Variants in WWOX observed in about 807,000 individuals in gnomAD.
WWOX encodes the protein WW domain containing oxidoreductase, also known as WW domain-containing oxidoreductase.
Under a neutral mutation model 46.2 loss-of-function variants are expected in WWOX, and 69 were observed. The observed-to-expected ratio is 1.49, with a 90% CI of 1.23 to 1.82. WWOX has a LOEUF of 1.82. Ranked by LOEUF, WWOX falls within the 40% of genes most tolerant of loss-of-function variation. The pLI is 0.00. For synonymous variants in WWOX, 359 were observed against 202.6 expected, an observed-to-expected ratio of 1.77 and a Z score of -6.56; for missense variants, 919 against 542.6, an observed-to-expected ratio of 1.69 and a Z score of -6.89.
chr16:78,737,928 T>G (rs58869383), intron 8 of WWOX, among the ~76,000 whole-genome samples: 1 of 152,118 alleles, frequency 6.6e-6, no homozygotes, highest in Non-Finnish European at 1.5e-5. Flanking sequence ...ATATCAGTAT[T>G]TATTGTTTTA....
intron 8 of WWOX, among the ~76,000 whole-genome samples, chr16:78,654,249 C>G (rs997557947): frequency 1.3e-5 from 2 of 152,128 alleles, no homozygotes; most frequent in Non-Finnish European, 2.9e-5. Context: ...TTTTCAGATT[C>G]TTTATTGGTA....
At chr16:78,533,324 G>C (rs943248518) in intron 8 of WWOX, among the ~76,000 whole-genome samples, 2 of 152,100 alleles carry the variant, frequency 1.3e-5, no homozygotes, top group South Asian at 2.1e-4. Context: ...TCTAACATAG[G>C]GGTGTCCAAA....
intron 6 of WWOX, among the ~76,000 whole-genome samples, chr16:78,411,308 A>C (rs369004105): frequency 5.9e-5 from 9 of 152,282 alleles, no homozygotes; most frequent in African/African-American, 2.2e-4. Flanking sequence ...AATGTTGAGT[A>C]ATATGCCATT....
intron 8 of WWOX, among the ~76,000 whole-genome samples, chr16:78,600,518 A>T (rs2045596676): frequency 6.6e-6 from 1 of 152,126 alleles, no homozygotes; most frequent in South Asian, 2.1e-4. Flanking sequence ...ATGTTTACAG[A>T]ATGAAAGATG....
intron 8 of WWOX, among the ~76,000 whole-genome samples, chr16:78,528,777 T>G (rs2738486): frequency 6.6e-6 from 1 of 152,188 alleles, no homozygotes; most frequent in African/African-American, 2.4e-5. Flanking sequence ...AAGGCCTATT[T>G]GTTTTTCAGT....
At chr16:79,085,591 CA>C (rs1352729776) in intron 8 of WWOX, among the ~76,000 whole-genome samples, 58 of 152,242 alleles carry the variant, frequency 3.8e-4, no homozygotes, top group African/African-American at 1.4e-3. Flanking sequence ...CAAAGACTGA[CA>C]GGTAAAAGTG....
intron 8 of WWOX, chr16:78,897,298 A>G (rs2044726528): frequency 6.7e-6 from 1 of 150,150 alleles, no homozygotes; most frequent in Non-Finnish European, 1.5e-5. Flanking sequence ...CATTCCCATC[A>G]CGTCGGTAAG....
intron 8 of WWOX, among the ~76,000 whole-genome samples, chr16:78,908,606 C>G (rs1597136150): frequency 6.6e-6 from 1 of 151,482 alleles, no homozygotes; most frequent in South Asian, 2.1e-4. Context: ...TTTATTATTA[C>G]TCAAATAAGT....
chr16:78,363,452 A>C, intron 5 of WWOX, among the ~76,000 whole-genome samples: 1 of 151,934 alleles, frequency 6.6e-6, no homozygotes, highest in East Asian at 1.9e-4. Flanking sequence ...TATTTAAAAA[A>C]AAATTTTGTA....
chr16:78,939,551 G>A (rs1272388342), intron 8 of WWOX, among the ~76,000 whole-genome samples: 1 of 152,192 alleles, frequency 6.6e-6, no homozygotes, highest in Non-Finnish European at 1.5e-5. Flanking sequence ...TGGCAAAAGT[G>A]GCAAATAAAG....
intron 5 of WWOX, among the ~76,000 whole-genome samples, chr16:78,360,167 A>G (rs1270560820): frequency 3.9e-5 from 6 of 152,232 alleles, no homozygotes; most frequent in African/African-American, 1.4e-4. Context: ...AATCAATATT[A>G]CTTTCTAAAA....
chr16:79,093,989 A>G (rs890940569), intron 8 of WWOX, among the ~76,000 whole-genome samples: 4 of 152,198 alleles, frequency 2.6e-5, no homozygotes, highest in African/African-American at 9.7e-5. Context: ...CACAAATGCT[A>G]GGGAATGAAC....
At chr16:78,311,150 G>A (rs988069691) in intron 5 of WWOX, among the ~76,000 whole-genome samples, 1 of 152,116 alleles carries the variant, frequency 6.6e-6, no homozygotes, top group African/African-American at 2.4e-5. Flanking sequence ...GGGGCGGTGG[G>A]TGAAGTGTGA....
At chr16:79,035,856 A>G (rs1418256504) in intron 8 of WWOX, among the ~76,000 whole-genome samples, 3 of 152,200 alleles carry the variant, frequency 2.0e-5, no homozygotes, top group Non-Finnish European at 4.4e-5. Context: ...CTGCCTCCCA[A>G]AGTGATGGGA....
chr16:78,227,930 G>A (rs1280161199), intron 5 of WWOX, among the ~76,000 whole-genome samples: 1 of 152,054 alleles, frequency 6.6e-6, no homozygotes, highest in Non-Finnish European at 1.5e-5. Context: ...GAACCCCAGT[G>A]CAGCCATGGG....
chr16:78,664,404 A>T (rs1396438519), intron 8 of WWOX, among the ~76,000 whole-genome samples: 1 of 152,056 alleles, frequency 6.6e-6, no homozygotes, highest in Admixed American at 6.5e-5. Flanking sequence ...GTTGGAGAAA[A>T]AGCAGTCACA....
At chr16:78,885,738 G>A (rs2044442229) in intron 8 of WWOX, among the ~76,000 whole-genome samples, 1 of 152,008 alleles carries the variant, frequency 6.6e-6, no homozygotes, top group Non-Finnish European at 1.5e-5. Flanking sequence ...GATGAAGGGG[G>A]AAAGTTTTTT....
intron 5 of WWOX, among the ~76,000 whole-genome samples, chr16:78,330,217 A>G (rs2080722411): frequency 6.6e-6 from 1 of 152,202 alleles, no homozygotes; most frequent in South Asian, 2.1e-4. Flanking sequence ...TAACTTAATA[A>G]AAACCAATAA....
chr16:78,780,874 G>A (rs1271383191), intron 8 of WWOX, among the ~76,000 whole-genome samples: 1 of 152,220 alleles, frequency 6.6e-6, no homozygotes, highest in African/African-American at 2.4e-5. Context: ...AAGCAGGGCA[G>A]TGATGTTTTT....
Sources: gnomAD v4.1 joint callset for allele counts (sites outside exome capture counted in the v4.1 genomes callset) on GRCh38, gnomAD v4.1.1 for gene constraint, MANE v1.5 for transcripts, NCBI Gene and HGNC (gene_info 2026-07-23, HGNC 2026-07-21) for gene names.